The following ANKRD11 variants were observed in gnomAD, a reference collection of about 807,000 sequenced individuals.
ANKRD11 encodes the protein ankyrin repeat domain 11.
A neutral mutation model predicts 195.7 loss-of-function variants in ANKRD11; 17 were observed. That is an observed-to-expected ratio of 0.09 (90% CI 0.06 to 0.13). The LOEUF (loss-of-function observed/expected upper bound fraction) is 0.13, where lower values mean the gene tolerates loss of function less well. Among genes scored for constraint, ANKRD11 ranks in the 10% least tolerant of loss-of-function variants. The pLI is 1.00. For synonymous variants in ANKRD11, 1,953 were observed against 1,528.1 expected, an observed-to-expected ratio of 1.28 and a Z score of -6.49; for missense variants, 3,735 against 3,566.1, an observed-to-expected ratio of 1.05 and a Z score of -1.21.
At chr16:89,270,763 A>G in intron 12 of ANKRD11, 54 bp downstream of exon 12, 1 of 1,582,210 alleles carries the variant, frequency 6.3e-7, no homozygotes, top group Non-Finnish European at 8.6e-7. Flanking sequence ...CACCCATCAC[A>G]GAACTGGGCA....
intron 2 of ANKRD11, among the ~76,000 whole-genome samples, chr16:89,406,122 A>C (rs1376906363): frequency 6.6e-6 from 1 of 152,032 alleles, no homozygotes; most frequent in Non-Finnish European, 1.5e-5. Flanking sequence ...AAAAAAAAAA[A>C]AAAAAAACCT....
chr16:89,324,761 G>A (rs1384085083), intron 2 of ANKRD11: 4 of 307,392 alleles, frequency 1.3e-5, no homozygotes, highest in Non-Finnish European at 2.5e-5. Context: ...TTGGGCCTTC[G>A]GCCACAGACT....
intron 6 of ANKRD11, among the ~76,000 whole-genome samples, chr16:89,290,200 C>T (rs1025740913): frequency 2.0e-5 from 3 of 152,100 alleles, no homozygotes; most frequent in Admixed American, 6.5e-5. Context: ...CCATCCAACC[C>T]GATGGGAGGC....
Position 89,381,331 on chromosome 16 carries a change from C to CAAAAAAAA in ANKRD11, c.-60+36945_-60+36952dup, listed in dbSNP as rs10567322. 3.9e-5 allele frequency among the ~76,000 whole-genome samples: 3 copies of CAAAAAAAA among 76,352 alleles called. 1 individual carries two copies. Among genetic ancestry groups the CAAAAAAAA allele is most frequent in the African/African-American group, 1.7e-4 (3 of 17,396 alleles). 50.1% of individuals were successfully genotyped at this position (76,352 alleles called of 152,430 possible). ...TGGGCTACAGAGCGAGACTCTGCTG[C>CAAAAAAAA]AAAAAAAAAAAAAAAAAAAAAAAGG... On this transcript the variant is annotated intron_variant, in intron 2 of 12. Transcript: ENST00000301030.
chr16:89,465,323 T>C (rs1342227912), intron 1 of ANKRD11, among the ~76,000 whole-genome samples: 2 of 152,202 alleles, frequency 1.3e-5, no homozygotes, highest in African/African-American at 4.8e-5. Flanking sequence ...GACTCCCACA[T>C]ATCAACAGAA....
intron 2 of ANKRD11, among the ~76,000 whole-genome samples, chr16:89,382,093 C>A (rs1195012367): frequency 6.6e-6 from 1 of 152,218 alleles, no homozygotes; most frequent in Non-Finnish European, 1.5e-5. Flanking sequence ...CAGGCGCCAC[C>A]AGAACGGGCG....
chr16:89,276,157 G>A (rs2033633701), intron 9 of ANKRD11, among the ~76,000 whole-genome samples: 1 of 152,188 alleles, frequency 6.6e-6, no homozygotes, highest in African/African-American at 2.4e-5. Flanking sequence ...GGGAGACCAG[G>A]AAGAGCTCCT....
At position 89,276,643 on chromosome 16, in the gene ANKRD11, G is replaced by T. The variant is rs562943900; in HGVS notation, c.7471-1452C>A. Reference sequence around the variant, plus strand: ...GGGCCTGCCACAGCGTGGACGCACGGCAGGGTCTCGTCACCTCCACGGCTC... The same window carrying T: ...GGGCCTGCCACAGCGTGGACGCACGTCAGGGTCTCGTCACCTCCACGGCTC... On this transcript the variant is annotated intron_variant, in intron 9 of 12. Transcript: ENST00000301030. Among the ~76,000 whole-genome samples, 7 of 152,364 alleles carry T rather than the reference G, an allele frequency of 4.6e-5. No individual in the cohort carries two copies. In the South Asian group the frequency reaches 1.4e-3, roughly 32 times the overall value.
chr16:89,452,383 T>C (rs1026384997), intron 1 of ANKRD11, among the ~76,000 whole-genome samples: 24 of 152,208 alleles, frequency 1.6e-4, no homozygotes, highest in South Asian at 6.2e-4. Context: ...CCATGCCTGG[T>C]GTCCTGCCAC....
chr16:89,374,372 T>C (rs1047978435), intron 2 of ANKRD11, among the ~76,000 whole-genome samples: 3 of 151,842 alleles, frequency 2.0e-5, no homozygotes, highest in African/African-American at 4.8e-5. Flanking sequence ...CACACTCACC[T>C]GTTTACATAA....
intron 4 of ANKRD11, among the ~76,000 whole-genome samples, chr16:89,296,161 C>G (rs982944855): frequency 6.6e-6 from 1 of 151,704 alleles, no homozygotes; most frequent in Non-Finnish European, 1.5e-5. Context: ...CTTTTAACAT[C>G]CTCCCTTTGC....
intron 1 of ANKRD11, among the ~76,000 whole-genome samples, chr16:89,486,443 G>A (rs1443816419): frequency 1.4e-5 from 2 of 142,946 alleles, no homozygotes; most frequent in African/African-American, 2.7e-5. Context: ...CCGAGACCCT[G>A]CCTCAAAAAA....
intron 6 of ANKRD11, among the ~76,000 whole-genome samples, chr16:89,289,657 A>G (rs891830444): frequency 3.3e-5 from 5 of 152,184 alleles, no homozygotes; most frequent in Non-Finnish European, 7.3e-5. Context: ...GAATGCAGCC[A>G]TGTGCTAGAC....
intron 9 of ANKRD11, among the ~76,000 whole-genome samples, chr16:89,276,865 G>A (rs1313366387): frequency 2.0e-5 from 3 of 152,126 alleles, no homozygotes; most frequent in Admixed American, 6.5e-5. Flanking sequence ...AGACCAGCCT[G>A]ACCAACATGG....
chr16:89,486,080 T>C (rs1391671835), intron 1 of ANKRD11, among the ~76,000 whole-genome samples: 2 of 152,176 alleles, frequency 1.3e-5, no homozygotes, highest in African/African-American at 4.8e-5. Flanking sequence ...CCTTTATGTT[T>C]CTTTATCTCT....
intron 2 of ANKRD11, among the ~76,000 whole-genome samples, chr16:89,368,265 G>A (rs537439459): frequency 2.7e-4 from 40 of 150,550 alleles, no homozygotes; most frequent in Non-Finnish European, 4.1e-4. Flanking sequence ...GCACAATCTC[G>A]GCTCACTGCA....
chr16:89,407,519 TAAGA>T (rs1316771581), intron 2 of ANKRD11, among the ~76,000 whole-genome samples: 1 of 151,990 alleles, frequency 6.6e-6, no homozygotes, highest in Non-Finnish European at 1.5e-5. Flanking sequence ...CGCACACACC[TAAGA>T]AACAAACTCC....
rs531523405 is a variant in ANKRD11, at chr16:89,426,368, G to C, written c.-144-8000C>G. 4.9e-4 allele frequency among the ~76,000 whole-genome samples: 75 copies of C among 152,236 alleles called. 1 individual carries two copies. Among genetic ancestry groups the C allele is most frequent in the African/African-American group, 1.8e-3 (73 of 41,534 alleles). ...TGGAGGAAGGACAGTGCTGGACTGT[G>C]CAATACCTGCCTCCCTCCCGCAGGA... On this transcript the variant is annotated intron_variant, in intron 1 of 12. Coordinates refer to ENST00000301030, the MANE Select transcript of ANKRD11 (RefSeq NM_013275.6).
At chr16:89,297,062 G>C (rs917379344) in intron 4 of ANKRD11, among the ~76,000 whole-genome samples, 3 of 152,184 alleles carry the variant, frequency 2.0e-5, no homozygotes, top group African/African-American at 7.2e-5. Flanking sequence ...ACCTCCCTGG[G>C]AGGTCTGAAG....
Sources: gnomAD v4.1 joint callset for allele counts (sites outside exome capture counted in the v4.1 genomes callset) on GRCh38, gnomAD v4.1.1 for gene constraint, MANE v1.5 for transcripts, NCBI Gene and HGNC (gene_info 2026-07-23, HGNC 2026-07-21) for gene names.